Variants in CPA6 observed in about 807,000 individuals in gnomAD.
CPA6 encodes the protein carboxypeptidase B.
CPA6 carries 58 observed loss-of-function variants against 63.3 expected under a neutral mutation model. That is an observed-to-expected ratio of 0.92 (90% CI 0.74 to 1.14). The LOEUF (loss-of-function observed/expected upper bound fraction) is 1.14. CPA6 is among the 50% of genes most tolerant of loss of function. The pLI is 0.00. For synonymous variants in CPA6, 185 were observed against 179.0 expected (o/e 1.03, Z -0.27); for missense variants, 565 against 526.6 (o/e 1.07, Z -0.71).
At chr8:67,507,907 T>A (rs1339482901) in intron 5 of CPA6, among the ~76,000 whole-genome samples, 1 of 151,938 alleles carries the variant, frequency 6.6e-6, no homozygotes, top group Non-Finnish European at 1.5e-5. Flanking sequence ...GTGCCTGCAG[T>A]TTGAGGAAGG....
intron 1 of CPA6, among the ~76,000 whole-genome samples, chr8:67,636,603 G>A (rs1029964062): frequency 2.0e-5 from 3 of 151,408 alleles, no homozygotes; most frequent in African/African-American, 7.4e-5. Flanking sequence ...AAAAAACTGT[G>A]TGTTTTCAGA....
At chr8:67,557,615 C>T (rs1157677610) in intron 2 of CPA6, among the ~76,000 whole-genome samples, 2 of 152,274 alleles carry the variant, frequency 1.3e-5, no homozygotes, top group Non-Finnish European at 2.9e-5. Flanking sequence ...GAGGTCTGAT[C>T]TCAGTTCTGC....
intron 6 of CPA6, among the ~76,000 whole-genome samples, chr8:67,488,293 CATTT>C (rs1201514733): frequency 6.6e-6 from 1 of 152,218 alleles, no homozygotes; most frequent in East Asian, 1.9e-4. Context: ...TTCCCAGCAC[CATTT>C]ATTAAACAGG....
At chr8:67,426,440 A>G (rs958924959) in intron 10 of CPA6, among the ~76,000 whole-genome samples, 2 of 150,742 alleles carry the variant, frequency 1.3e-5, no homozygotes, top group Admixed American at 1.3e-4. Flanking sequence ...GTTTAAATAC[A>G]GTTTTTTTTT....
chr8:67,713,093 GTGTGTGTATATATATATA>G (rs1817300199), intron 1 of CPA6, among the ~76,000 whole-genome samples: 1 of 87,990 alleles, frequency 1.1e-5, no homozygotes, highest in African/African-American at 4.9e-5. Context: ...ATGTGTGTGT[GTGTGTGTATATATATATA>G]TATATATATA....
intron 2 of CPA6, among the ~76,000 whole-genome samples, chr8:67,525,665 T>C (rs1330307982): frequency 6.6e-6 from 1 of 152,224 alleles, no homozygotes; most frequent in East Asian, 1.9e-4. Flanking sequence ...AGATTCTTAA[T>C]ATTTCCCTGA....
intron 8 of CPA6, among the ~76,000 whole-genome samples, chr8:67,435,289 G>T (rs1810124647): frequency 6.6e-6 from 1 of 152,124 alleles, no homozygotes; most frequent in Non-Finnish European, 1.5e-5. Flanking sequence ...TATGGAAGAA[G>T]GGCTGGACCC....
chr8:67,616,061 A>T (rs967500446), intron 2 of CPA6, among the ~76,000 whole-genome samples: 1 of 152,126 alleles, frequency 6.6e-6, no homozygotes, highest in African/African-American at 2.4e-5. Flanking sequence ...AAAGAGTTTG[A>T]AGTCTATACC....
intron 8 of CPA6, among the ~76,000 whole-genome samples, chr8:67,446,326 C>CT (rs913806440): frequency 4.3e-4 from 64 of 149,758 alleles, no homozygotes; most frequent in Middle Eastern, 7.0e-3. Context: ...ATTTCTTTTT[C>CT]TTTTTTTTAA....
At chr8:67,534,813 A>C (rs747984609) in intron 2 of CPA6, among the ~76,000 whole-genome samples, 1 of 152,028 alleles carries the variant, frequency 6.6e-6, no homozygotes, top group African/African-American at 2.4e-5. Context: ...GGTTTCCTGC[A>C]CCCATCAACC....
chr8:67,439,531 G>A (rs1810240264), intron 8 of CPA6, among the ~76,000 whole-genome samples: 1 of 151,664 alleles, frequency 6.6e-6, no homozygotes, highest in African/African-American at 2.4e-5. Context: ...AGAGGTTGAA[G>A]TGAGCTGAGA....
chr8:67,518,509 C>CTTTTTTT (rs71554610), intron 2 of CPA6, among the ~76,000 whole-genome samples: 2 of 129,878 alleles, frequency 1.5e-5, no homozygotes, highest in South Asian at 2.4e-4. Flanking sequence ...CTTTTCTTTT[C>CTTTTTTT]TTTTTTTTTT....
chr8:67,739,577 C>T (rs1587742090), intron 1 of CPA6, among the ~76,000 whole-genome samples: 2 of 152,268 alleles, frequency 1.3e-5, no homozygotes, highest in South Asian at 4.1e-4. Flanking sequence ...CCCTTTCCTG[C>T]TTTAGGCTCT....
intron 2 of CPA6, among the ~76,000 whole-genome samples, chr8:67,604,312 G>A (rs1352960007): frequency 6.6e-6 from 1 of 152,164 alleles, no homozygotes; most frequent in African/African-American, 2.4e-5. Flanking sequence ...GCTAGTGTCC[G>A]AGACTGGCCC....
rs907868621 is a variant in CPA6, at chr8:67,640,185, C to T, written c.117-15934G>A. ...GACTGGGAGCCTGGCCCCCAGGCTT[C>T]GGCTCCCCCCAGCTTGGAGGTGGGG... On this transcript the variant is annotated intron_variant, in intron 1 of 10. Transcript: ENST00000297770. 1.8e-4 allele frequency among the ~76,000 whole-genome samples: 27 copies of T among 150,764 alleles called. 2 individuals carry two copies. Among genetic ancestry groups the T allele is most frequent in the African/African-American group, 6.2e-4 (25 of 40,456 alleles).
intron 8 of CPA6, among the ~76,000 whole-genome samples, chr8:67,465,407 T>C (rs1317546526): frequency 6.6e-6 from 1 of 152,144 alleles, no homozygotes; most frequent in Non-Finnish European, 1.5e-5. Flanking sequence ...GGTAGAGTCT[T>C]TAGAGTTTTC....
intron 8 of CPA6, among the ~76,000 whole-genome samples, chr8:67,444,169 T>C (rs1810361052): frequency 2.0e-5 from 3 of 151,862 alleles, no homozygotes; most frequent in South Asian, 4.2e-4. Context: ...TTGTATTTTT[T>C]AGTAGAGACA....
At chr8:67,663,627 G>T (rs1047870503) in intron 1 of CPA6, among the ~76,000 whole-genome samples, 4 of 152,080 alleles carry the variant, frequency 2.6e-5, no homozygotes, top group African/African-American at 9.7e-5. Context: ...GAGGTGTTTG[G>T]TTTTCTCTTC....
intron 8 of CPA6, among the ~76,000 whole-genome samples, chr8:67,473,099 T>C (rs554072281): frequency 1.2e-4 from 18 of 152,342 alleles, no homozygotes; most frequent in African/African-American, 4.3e-4. Flanking sequence ...AAAGATAGAA[T>C]AGCTCTTTTT....
Sources: allele counts gnomAD v4.1 joint callset (sites outside exome capture counted in the v4.1 genomes callset), GRCh38; gene constraint gnomAD v4.1.1; transcripts MANE v1.5; gene names NCBI Gene and HGNC (gene_info 2026-07-23, HGNC 2026-07-21).